RGS6: variants seen among roughly 807,000 people sequenced by gnomAD.
RGS6 encodes regulator of G-protein signaling 6.
In RGS6, 30 loss-of-function variants were observed where a neutral mutation model predicts 78.5. The observed-to-expected ratio is 0.38, with a 90% CI of 0.29 to 0.52. The LOEUF (loss-of-function observed/expected upper bound fraction) is 0.52. Ranked by LOEUF, RGS6 falls within the 20% of genes least tolerant of loss-of-function variation. The probability of loss-of-function intolerance (pLI) is 0.85; values close to 1 mark genes in which losing one functional copy is unlikely to be tolerated. For missense variants in RGS6, 495 were observed against 609.7 expected, an observed-to-expected ratio of 0.81 and a Z score of 1.98; for synonymous variants, 206 against 206.0, an observed-to-expected ratio of 1.00 and a Z score of 0.00.
intron 2 of RGS6, among the ~76,000 whole-genome samples, chr14:72,025,428 A>C (rs1037525210): frequency 6.6e-6 from 1 of 152,174 alleles, no homozygotes; most frequent in African/African-American, 2.4e-5. Context: ...TAACTCACCT[A>C]AAATATCTCC....
chr14:71,933,551 C>T (rs1337397084), intron 1 of RGS6, among the ~76,000 whole-genome samples: 1 of 152,048 alleles, frequency 6.6e-6, no homozygotes, highest in Non-Finnish European at 1.5e-5. Flanking sequence ...CAGCAGGCTG[C>T]GTAAAGAAGT....
chr14:72,202,861 T>C (rs761566748), intron 2 of RGS6, among the ~76,000 whole-genome samples: 1 of 151,878 alleles, frequency 6.6e-6, no homozygotes, highest in Non-Finnish European at 1.5e-5. Flanking sequence ...GGATGGATCC[T>C]GTTTTTTGTT....
intron 2 of RGS6, among the ~76,000 whole-genome samples, chr14:72,174,638 T>C (rs891119488): frequency 1.3e-5 from 2 of 152,156 alleles, no homozygotes; most frequent in African/African-American, 4.8e-5. Context: ...TCAGAGTGCA[T>C]GAACTGTGAT....
At chr14:72,500,787 G>A (rs2096713755) in intron 13 of RGS6, among the ~76,000 whole-genome samples, 1 of 152,174 alleles carries the variant, frequency 6.6e-6, no homozygotes, top group Non-Finnish European at 1.5e-5. Context: ...CTAAGGGCAG[G>A]GGAAAGCAGG....
the RGS6 span, among the ~76,000 whole-genome samples, chr14:72,573,895 G>C: frequency 6.6e-6 from 1 of 152,208 alleles, no homozygotes. Flanking sequence ...TGAGTGAAAT[G>C]CTCCTATTCA....
intron 2 of RGS6, among the ~76,000 whole-genome samples, chr14:72,121,901 C>T (rs2096061543): frequency 6.6e-6 from 1 of 152,080 alleles, no homozygotes; most frequent in Non-Finnish European, 1.5e-5. Flanking sequence ...TTGCCAGGAC[C>T]ATCATCAAAA....
chr14:72,327,340 A>G (rs932042031), intron 2 of RGS6, among the ~76,000 whole-genome samples: 3 of 152,150 alleles, frequency 2.0e-5, no homozygotes, highest in African/African-American at 7.2e-5. Context: ...TCAGAGCTAC[A>G]TGAGATAATC....
intron 2 of RGS6, among the ~76,000 whole-genome samples, chr14:72,295,135 C>CA (rs1012944072): frequency 6.6e-6 from 1 of 151,392 alleles, no homozygotes; most frequent in African/African-American, 2.4e-5. Context: ...ACTAAAAATA[C>CA]AAAAAATTAG....
chr14:72,068,458 T>A (rs936703427), intron 2 of RGS6, among the ~76,000 whole-genome samples: 6 of 151,202 alleles, frequency 4.0e-5, no homozygotes, highest in African/African-American at 1.5e-4. Context: ...TTTTAATTTT[T>A]TATTCAATAT....
chr14:72,382,012 GATGCAGAAGAATGGCTTCTT>G (rs1361831071), intron 3 of RGS6, among the ~76,000 whole-genome samples: 1 of 151,820 alleles, frequency 6.6e-6, no homozygotes, highest in African/African-American at 2.4e-5. Context: ...TGGATATCCA[GATGCAGAAGAATGGCTTCTT>G]AAAAAGCCAT....
At chr14:72,029,281 A>G (rs917333568) in intron 2 of RGS6, among the ~76,000 whole-genome samples, 2 of 152,214 alleles carry the variant, frequency 1.3e-5, no homozygotes, top group African/African-American at 4.8e-5. Flanking sequence ...CAGAACTTGT[A>G]CAACAGTGGC....
chr14:71,928,946 T>A (rs78352915), upstream of RGS6, among the ~76,000 whole-genome samples: 20,705 of 152,266 alleles, frequency 0.14, 1,740 homozygotes, highest in East Asian at 0.19. Flanking sequence ...TTTTTTAATT[T>A]GGTAAGAACA....
intron 2 of RGS6, among the ~76,000 whole-genome samples, chr14:72,265,038 G>A (rs2058803917): frequency 6.6e-6 from 1 of 152,150 alleles, no homozygotes; most frequent in African/African-American, 2.4e-5. Flanking sequence ...GATCACATAT[G>A]AGCTGTTATC....
chr14:72,354,993 C>G (rs1228995964), intron 3 of RGS6, among the ~76,000 whole-genome samples: 2 of 151,900 alleles, frequency 1.3e-5, no homozygotes. Flanking sequence ...ATGTTTGTAT[C>G]TATTTCACAG....
intron 2 of RGS6, among the ~76,000 whole-genome samples, chr14:72,209,732 G>A (rs983947539): frequency 7.2e-5 from 11 of 152,116 alleles, no homozygotes; most frequent in African/African-American, 2.2e-4. Flanking sequence ...TTCTCCTTTC[G>A]TTCAGGGAGC....
At chr14:71,971,381 C>T (rs568676730) in intron 2 of RGS6, among the ~76,000 whole-genome samples, 3 of 152,272 alleles carry the variant, frequency 2.0e-5, no homozygotes, top group South Asian at 2.1e-4. Flanking sequence ...TGGCCATATC[C>T]GTCTACTGAA....
intron 2 of RGS6, among the ~76,000 whole-genome samples, chr14:72,241,702 G>T: frequency 6.6e-6 from 1 of 152,104 alleles, no homozygotes; most frequent in Admixed American, 6.5e-5. Context: ...TGATATGTTG[G>T]ATAGCTCTTT....
At chr14:72,547,198 G>T in intron 17 of RGS6, 1 of 1,535,302 alleles carries the variant, frequency 6.5e-7, no homozygotes, top group Non-Finnish European at 8.7e-7. Context: ...CAGCAGCACC[G>T]CAGCAGAGGG....
chr14:72,259,156 T>TTTTTG (rs759669697), intron 2 of RGS6, among the ~76,000 whole-genome samples: 1 of 152,194 alleles, frequency 6.6e-6, no homozygotes, highest in South Asian at 2.1e-4. Flanking sequence ...TTTGTTGGGA[T>TTTTTG]TTTTGTTTTG....
Sources: allele counts gnomAD v4.1 joint callset (sites outside exome capture counted in the v4.1 genomes callset), GRCh38; gene constraint gnomAD v4.1.1; transcripts MANE v1.5; gene names NCBI Gene and HGNC (gene_info 2026-07-23, HGNC 2026-07-21).